Variants in CLASP1 observed in about 807,000 individuals in gnomAD.
CLASP1 encodes cytoplasmic linker associated protein 1, also known as CLIP-associating protein 1.
Under a neutral mutation model 192.3 loss-of-function variants are expected in CLASP1, and 38 were observed. The ratio of observed to expected loss-of-function variants is 0.20; its 90% CI spans 0.15 to 0.26. The LOEUF (loss-of-function observed/expected upper bound fraction) is 0.26. CLASP1 is among the 10% of genes least tolerant of loss of function. The pLI, the probability that CLASP1 is intolerant of heterozygous loss-of-function variation, is 1.00. For missense variants in CLASP1, 1,433 were observed against 1,932.5 expected (o/e 0.74, Z 4.85); for synonymous variants, 691 against 712.8 (o/e 0.97, Z 0.49).
At chr2:121,449,826 A>G (rs2085075308) in intron 16 of CLASP1, among the ~76,000 whole-genome samples, 1 of 152,214 alleles carries the variant, frequency 6.6e-6, no homozygotes, top group Admixed American at 6.5e-5. Flanking sequence ...AATAAGTACT[A>G]GATCAGGATG....
At chr2:121,465,618 G>A (rs1295902394) in intron 9 of CLASP1, among the ~76,000 whole-genome samples, 1 of 152,074 alleles carries the variant, frequency 6.6e-6, no homozygotes, top group Admixed American at 6.6e-5. Flanking sequence ...TAGATTCAAT[G>A]CCATCCCCAT....
intron 38 of CLASP1, 134 bp from the exon 40 acceptor site, chr2:121,347,288 C>T (rs1277334895): frequency 1.6e-6 from 1 of 633,542 alleles, no homozygotes; most frequent in East Asian, 2.8e-5. Context: ...GGATAGACCT[C>T]AGCCCCGCAA....
At chr2:121,528,572 T>G (rs2094644540) in intron 4 of CLASP1, 105 bp downstream of exon 4, 1 of 839,070 alleles carries the variant, frequency 1.2e-6, no homozygotes, top group African/African-American at 1.7e-5. Flanking sequence ...TACATCAGCT[T>G]AAGTCTATGG....
exon 25 of CLASP1, chr2:121,407,473 C>T: frequency 6.2e-7 from 1 of 1,613,914 alleles, no homozygotes; most frequent in Non-Finnish European, 8.5e-7. Flanking sequence ...GTCCTCACCT[C>T]AGTGTTCTTT....
intron 2 of CLASP1, among the ~76,000 whole-genome samples, chr2:121,547,421 C>T (rs1484850990): frequency 6.6e-6 from 1 of 151,928 alleles, no homozygotes; most frequent in Admixed American, 6.6e-5. Flanking sequence ...GGCAGGGAAC[C>T]CCCAGCTTGG....
chr2:121,630,462 T>C (rs1559819111), intron 1 of CLASP1, among the ~76,000 whole-genome samples: 1 of 150,964 alleles, frequency 6.6e-6, no homozygotes. Context: ...CTGTATCTAG[T>C]ACCCATCTCT....
chr2:121,564,327 G>A (rs924299511), intron 2 of CLASP1, among the ~76,000 whole-genome samples: 1 of 152,168 alleles, frequency 6.6e-6, no homozygotes, highest in Non-Finnish European at 1.5e-5. Flanking sequence ...CTGAGACCCT[G>A]TCACTTAACC....
exon 2 of CLASP1, chr2:121,605,818 T>G (rs749410829): frequency 1.2e-6 from 2 of 1,614,036 alleles, no homozygotes; most frequent in Non-Finnish European, 1.7e-6. Context: ...AGTCTATCAG[T>G]TCTTGGCCAA....
intron 2 of CLASP1, among the ~76,000 whole-genome samples, chr2:121,542,285 AAAAAG>A (rs2095250580): frequency 1.3e-5 from 2 of 152,336 alleles, no homozygotes; most frequent in South Asian, 4.1e-4. Context: ...TTGCTGAGTC[AAAAAG>A]AAAACACACT....
chr2:121,565,136 T>C (rs1302524136), intron 2 of CLASP1, among the ~76,000 whole-genome samples: 1 of 152,196 alleles, frequency 6.6e-6, no homozygotes, highest in Non-Finnish European at 1.5e-5. Context: ...TAATTTATCA[T>C]CTGAAGTCAG....
intron 2 of CLASP1, among the ~76,000 whole-genome samples, chr2:121,583,934 T>A (rs1305936554): frequency 6.7e-6 from 1 of 148,938 alleles, no homozygotes; most frequent in Non-Finnish European, 1.5e-5. Context: ...GTGGAGGAAC[T>A]AGCTAGACGC....
chr2:121,435,820 C>T (rs1049514896), intron 19 of CLASP1, among the ~76,000 whole-genome samples: 1 of 152,056 alleles, frequency 6.6e-6, no homozygotes, highest in Admixed American at 6.6e-5. Context: ...TTTTAAGATT[C>T]CTGTGTGTTC....
intron 8 of CLASP1, among the ~76,000 whole-genome samples, chr2:121,485,015 GA>G (rs2092874284): frequency 6.6e-6 from 1 of 152,162 alleles, no homozygotes; most frequent in Non-Finnish European, 1.5e-5. Flanking sequence ...AGGCAAAGAA[GA>G]AAAAGAACAG....
chr2:121,501,719 G>A (rs2093759850), intron 8 of CLASP1, among the ~76,000 whole-genome samples: 1 of 152,208 alleles, frequency 6.6e-6, no homozygotes, highest in Non-Finnish European at 1.5e-5. Flanking sequence ...ACACAGCAGA[G>A]TGTGAGTCAA....
intron 25 of CLASP1, among the ~76,000 whole-genome samples, chr2:121,405,762 C>T (rs2076818461): frequency 1.3e-5 from 2 of 152,226 alleles, no homozygotes; most frequent in South Asian, 4.1e-4. Context: ...CGTGACAAAT[C>T]ATCTTCTATT....
At chr2:121,610,280 TGGA>T (rs1313896551) in intron 1 of CLASP1, among the ~76,000 whole-genome samples, 2 of 131,180 alleles carry the variant, frequency 1.5e-5, no homozygotes, top group Non-Finnish European at 3.2e-5. Context: ...GAAGAGAAAC[TGGA>T]GGAGGAGGAG....
At chr2:121,639,206 G>C (rs1228228304) in intron 1 of CLASP1, among the ~76,000 whole-genome samples, 1 of 152,066 alleles carries the variant, frequency 6.6e-6, no homozygotes, top group East Asian at 2.0e-4. Context: ...GAACCCGGGA[G>C]GCAGAGCTTG....
chr2:121,568,548 G>T (rs905084471), intron 2 of CLASP1, among the ~76,000 whole-genome samples: 4 of 150,994 alleles, frequency 2.6e-5, no homozygotes, highest in African/African-American at 9.8e-5. Flanking sequence ...GCTCACAACT[G>T]AAAGAAGGAA....
At chr2:121,345,012 A>G (rs1409039434) in intron 39 of CLASP1, among the ~76,000 whole-genome samples, 2 of 152,148 alleles carry the variant, frequency 1.3e-5, no homozygotes, top group East Asian at 1.9e-4. Flanking sequence ...ACAAAAACTT[A>G]ACCAGGCGTG....
Sources: gnomAD v4.1 joint callset for allele counts (sites outside exome capture counted in the v4.1 genomes callset) on GRCh38, gnomAD v4.1.1 for gene constraint, MANE v1.5 for transcripts, NCBI Gene and HGNC (gene_info 2026-07-23, HGNC 2026-07-21) for gene names.